Variants in IGF2BP1 observed in about 807,000 individuals in gnomAD.
The protein encoded by IGF2BP1 is insulin-like growth factor 2 mRNA-binding protein 1.
A neutral mutation model predicts 74.9 loss-of-function variants in IGF2BP1; 11 were observed. The observed-to-expected ratio is 0.15, with a 90% CI of 0.09 to 0.24. The LOEUF is 0.24. Ranked by LOEUF, IGF2BP1 falls within the 10% of genes least tolerant of loss-of-function variation. The pLI, the probability that IGF2BP1 is intolerant of heterozygous loss-of-function variation, is 1.00. For missense variants in IGF2BP1, 440 were observed against 757.4 expected, an observed-to-expected ratio of 0.58 and a Z score of 4.92; for synonymous variants, 287 against 281.8, an observed-to-expected ratio of 1.02 and a Z score of -0.18.
intron 4 of IGF2BP1, among the ~76,000 whole-genome samples, chr17:49,030,182 C>T (rs887828075): frequency 2.0e-5 from 3 of 149,886 alleles, no homozygotes; most frequent in Admixed American, 6.7e-5. Context: ...CGCTTTGTCA[C>T]CCAGTCTGAA....
At chr17:49,016,582 A>G (rs955016984) in intron 2 of IGF2BP1, among the ~76,000 whole-genome samples, 1 of 152,154 alleles carries the variant, frequency 6.6e-6, no homozygotes, top group Non-Finnish European at 1.5e-5. Context: ...TAGTATAGGA[A>G]GGAGGCAGTG....
In IGF2BP1 at chr17:49,050,393, C is replaced by T. The variant is rs2042154159; in HGVS notation, c.*949C>T. ...GGATATGAGCACTGGGAAGGGGACG[C>T]TAACTCCCCTTGATAAAGTCTCGGT... On this transcript the variant is annotated 3_prime_UTR_variant, in exon 15 of 15. Transcript: ENST00000290341. The T allele has an allele frequency of 1.3e-5, 2 of 152,376 alleles. No homozygotes were observed. The highest frequency in any genetic ancestry group is 1.3e-4 in the Admixed American group (2 of 15,276). The allele number at this position is 152,376 out of a possible 1,614,324, so 9.4% of individuals were successfully genotyped here. A position where few individuals can be genotyped will look rare whatever the true frequency, so the allele number is the denominator to read the frequency against.
At chr17:49,014,805 G>A in intron 2 of IGF2BP1, 6 of 985,398 alleles carry the variant, frequency 6.1e-6, no homozygotes, top group Non-Finnish European at 7.2e-6. Context: ...GAGGAGCACG[G>A]GGATGTCTGC....
intron 4 of IGF2BP1, among the ~76,000 whole-genome samples, chr17:49,030,918 C>G (rs1025290444): frequency 6.6e-6 from 1 of 152,134 alleles, no homozygotes; most frequent in Non-Finnish European, 1.5e-5. Context: ...GTGTGAGCCA[C>G]CGCTCCTGGC....
chr17:49,054,704 G>C lies in IGF2BP1; in HGVS notation c.*5260G>C, dbSNP rs1220155585. 6.6e-6 allele frequency: 1 copy of C among 152,444 alleles called. No individual in the cohort carries two copies. Among genetic ancestry groups the C allele is most frequent in the African/African-American group, 2.4e-5 (1 of 41,446 alleles). 9.4% of individuals were successfully genotyped at this position (152,444 alleles called of 1,614,324 possible). A position where few individuals can be genotyped will look rare whatever the true frequency, so the allele number is the denominator to read the frequency against. ...GGAGTGAGACCTGGGGCTTGGCCTGGAACCCACCACACAGCCCCAAAGTCA... is the reference window on the plus strand; with the variant it reads ...GGAGTGAGACCTGGGGCTTGGCCTGCAACCCACCACACAGCCCCAAAGTCA... On this transcript the variant is annotated 3_prime_UTR_variant, in exon 15 of 15. Coordinates refer to ENST00000290341, the MANE Select transcript of IGF2BP1 (RefSeq NM_006546.4).
chr17:49,021,348 C>T (rs141914736), intron 2 of IGF2BP1, among the ~76,000 whole-genome samples: 20 of 152,248 alleles, frequency 1.3e-4, no homozygotes, highest in Admixed American at 1.1e-3. Context: ...GCTTTTTAAG[C>T]TGTTGCAAGG....
In IGF2BP1 at chr17:48,997,530, C is replaced by G. The variant is rs978573309; in HGVS notation, c.-216C>G. ...CGTCCGTCTCCCTGCGCGCCGCGGG[C>G]ACTTCTCCTGGGCTCTCCCCGAACT... is the stretch of plus-strand genomic sequence containing the variant. On this transcript the variant is annotated 5_prime_UTR_variant, in exon 1 of 15. Coordinates refer to ENST00000290341, the MANE Select transcript of IGF2BP1 (RefSeq NM_006546.4). This position sits in a 1 kb window ranked among gnomAD's most constrained non-coding sequence, Gnocchi z 4.8. 3.8e-6 allele frequency: 2 copies of G among 528,944 alleles called. No individual in the cohort carries two copies. The highest frequency in any genetic ancestry group is 6.6e-6 in the Non-Finnish European group (2 of 301,082). The allele number at this position is 528,944 out of a possible 1,614,324, so 32.8% of individuals were successfully genotyped here.
chr17:49,037,171 T>A (rs1206539070), intron 5 of IGF2BP1: 4 of 461,672 alleles, frequency 8.7e-6, no homozygotes, highest in Non-Finnish European at 1.7e-5. Context: ...GATGTTTGGA[T>A]CCCTAAAATA....
At position 49,053,916 on chromosome 17, in the gene IGF2BP1, G is replaced by C. The variant is rs1411825544; in HGVS notation, c.*4472G>C. On this transcript the variant is annotated 3_prime_UTR_variant, in exon 15 of 15. Coordinates refer to ENST00000290341, the MANE Select transcript of IGF2BP1 (RefSeq NM_006546.4). ...GCCTGTTTCTTGAAAACCAGTAGAA[G>C]GGAAACAGCACAGCCTGTCACAGTA... The C allele has an allele frequency of 1.3e-5, 2 of 152,638 alleles. No homozygotes were observed. The highest frequency in any genetic ancestry group is 1.3e-4 in the Admixed American group (2 of 15,280). 9.5% of individuals were successfully genotyped at this position (152,638 alleles called of 1,614,324 possible).
At position 49,049,334 on chromosome 17, in the gene IGF2BP1, T is replaced by C. The variant is rs2144161757; in HGVS notation, c.1642-18T>C. On this transcript the variant is annotated intron_variant, in intron 14 of 14. Coordinates refer to ENST00000290341, the MANE Select transcript of IGF2BP1 (RefSeq NM_006546.4). ...CTTGGAGGTCTCACACCCACTCTCT[T>C]GCCTGTTCTTGCTGCAGATGGCTCA... The C allele has an allele frequency of 1.2e-6, 2 of 1,613,166 alleles. No individual in the cohort carries two copies. Among genetic ancestry groups the C allele is most frequent in the Middle Eastern group, 1.7e-4 (1 of 6,056 alleles).
chr17:49,020,697 T>C (rs1185183179), intron 2 of IGF2BP1, among the ~76,000 whole-genome samples: 1 of 152,194 alleles, frequency 6.6e-6, no homozygotes, highest in African/African-American at 2.4e-5. Context: ...CACCGTGGAA[T>C]TGCACTCCGA....
Position 49,051,125 on chromosome 17 carries a change from C to T in IGF2BP1, c.*1681C>T, listed in dbSNP as rs1046659001. 1 of 152,552 alleles carries T rather than the reference C, an allele frequency of 6.6e-6. No individual in the cohort carries two copies. The highest frequency in any genetic ancestry group is 2.4e-5 in the African/African-American group (1 of 41,404). The allele number at this position is 152,552 out of a possible 1,614,324, so 9.4% of individuals were successfully genotyped here. A position where few individuals can be genotyped will look rare whatever the true frequency, so the allele number is the denominator to read the frequency against. ...CAGCAATTATTTTCCTTTTTGTTCC[C>T]CCCAACCCCATTAAAAAAATTTTTT... On this transcript the variant is annotated 3_prime_UTR_variant, in exon 15 of 15. Transcript: ENST00000290341.
chr17:49,013,299 G>T (rs550257111), intron 2 of IGF2BP1, among the ~76,000 whole-genome samples: 17 of 152,156 alleles, frequency 1.1e-4, no homozygotes, highest in Non-Finnish European at 2.1e-4. Flanking sequence ...TTCCCAGAAG[G>T]CCTTGGGGAC....
Position 49,029,307 on chromosome 17 carries a change from G to A in IGF2BP1, c.338-2603G>A, listed in dbSNP as rs539122570. 6.9e-4 allele frequency among the ~76,000 whole-genome samples: 105 copies of A among 152,328 alleles called. 1 individual carries two copies. Among genetic ancestry groups the A allele is most frequent in the African/African-American group, 2.5e-3 (104 of 41,566 alleles). Reference sequence around the variant, plus strand: ...GAGGAGGGAGAGACCTACTGATGAAGACCAGAGCAGTTAAGAGTGGCCTGG... The same window carrying A: ...GAGGAGGGAGAGACCTACTGATGAAAACCAGAGCAGTTAAGAGTGGCCTGG... On this transcript the variant is annotated intron_variant, in intron 4 of 14. Transcript: ENST00000290341.
At chr17:49,049,082 C>T (rs1212156220) in intron 14 of IGF2BP1, among the ~76,000 whole-genome samples, 1 of 152,084 alleles carries the variant, frequency 6.6e-6, no homozygotes, top group Non-Finnish European at 1.5e-5. Context: ...TGGATTGATA[C>T]TACTGTTTCT....
At chr17:49,010,012 G>A (rs1399845213) in intron 2 of IGF2BP1, among the ~76,000 whole-genome samples, 8 of 149,924 alleles carry the variant, frequency 5.3e-5, no homozygotes, top group African/African-American at 2.0e-4. Context: ...CCCAGGAGGC[G>A]GAGGTTGCAG....
In IGF2BP1 at chr17:49,051,307, C is replaced by T. The variant is rs1310407318; in HGVS notation, c.*1863C>T. On this transcript the variant is annotated 3_prime_UTR_variant, in exon 15 of 15. Transcript: ENST00000290341. ...ATTTCTTACAACATGAGCCAGTAAC[C>T]CTTTAGGAACTCTCTATGGAGAACA... 3 of 152,472 alleles carry T rather than the reference C, an allele frequency of 2.0e-5. No homozygotes were observed. Among genetic ancestry groups the T allele is most frequent in the South Asian group, 4.1e-4 (2 of 4,832 alleles). 9.4% of individuals were successfully genotyped at this position (152,472 alleles called of 1,614,324 possible).
At chr17:49,013,541 C>A in intron 2 of IGF2BP1, 1 of 152,684 alleles carries the variant, frequency 6.5e-6, no homozygotes, top group Non-Finnish European at 1.5e-5. Context: ...TCCCGGTTCC[C>A]TACCCCCAAC....
At chr17:49,044,227 G>A (rs2042085123) in intron 11 of IGF2BP1, 141 bp downstream of exon 11, 1 of 1,253,924 alleles carries the variant, frequency 8.0e-7, no homozygotes, top group Admixed American at 2.6e-5. Flanking sequence ...TGGAATCGAA[G>A]TCCTCTTTGT....
Sources: gnomAD v4.1 joint callset for allele counts (sites outside exome capture counted in the v4.1 genomes callset) on GRCh38, gnomAD v4.1.1 for gene constraint, Gnocchi (gnomAD v3.1) non-coding constraint, MANE v1.5 for transcripts, NCBI Gene and HGNC (gene_info 2026-07-23, HGNC 2026-07-21) for gene names.